DDX19B: variants seen among roughly 807,000 people sequenced by gnomAD.
DDX19B encodes the protein DEAD-box helicase 19B.
A neutral mutation model predicts 58.1 loss-of-function variants in DDX19B; 27 were observed. That is an observed-to-expected ratio of 0.46 (90% confidence interval 0.34 to 0.64). The LOEUF is 0.64. Ranked by LOEUF, DDX19B falls within the 30% of genes least tolerant of loss-of-function variation. The probability of loss-of-function intolerance (pLI) is 0.01; values close to 1 mark genes in which losing one functional copy is unlikely to be tolerated. For synonymous variants in DDX19B, 187 were observed against 214.4 expected (o/e 0.87, Z 1.12); for missense variants, 399 against 596.5 (o/e 0.67, Z 3.45).
intron 5 of DDX19B, among the ~76,000 whole-genome samples, chr16:70,320,873 A>G (rs1269145410): frequency 6.8e-6 from 1 of 147,310 alleles, no homozygotes; most frequent in African/African-American, 2.5e-5. Flanking sequence ...TTATATTTTT[A>G]TCAGAGACAG....
intron 5 of DDX19B, 191 bp downstream of exon 5, chr16:70,317,779 A>C: frequency 2.6e-6 from 1 of 383,410 alleles, no homozygotes; most frequent in Non-Finnish European, 4.8e-6. Context: ...CTCAACAAAA[A>C]AAAAAACGTT....
rs1158942652 is a variant in DDX19B, at chr16:70,317,506, C to G, written c.307C>G (p.Leu103Val). The G allele has an allele frequency of 1.2e-6, 2 of 1,611,950 alleles. No homozygotes were observed. Among genetic ancestry groups the G allele is most frequent in the Admixed American group, 3.4e-5 (2 of 59,566 alleles). The change falls in exon 5 of 12, where the codon CTT becomes GTT. Residue 103 changes from leucine (L) to valine (V), a missense_variant. Physicochemically the swap from Leu to Val is conservative, Grantham distance 32. Coordinates refer to ENST00000288071, the MANE Select transcript of DDX19B (RefSeq NM_007242.7). ...TAACTGTTTTTCTAGGAAACCACAG[C>G]TTCTCCAAGGAGTCTATGCCATGGG... The part of the protein sequence containing the change: ...SFEELRLKPQ[L>V]LQGVYAMGFN...
chr16:70,298,114 A>T (rs1961298058), upstream of DDX19B, among the ~76,000 whole-genome samples: 1 of 152,158 alleles, frequency 6.6e-6, no homozygotes, highest in African/African-American at 2.4e-5. Context: ...TCTCTATCTT[A>T]AAAAAACAAA....
chr16:70,328,653 G>A (rs1237425486), intron 7 of DDX19B, among the ~76,000 whole-genome samples: 10 of 151,766 alleles, frequency 6.6e-5, no homozygotes, highest in Non-Finnish European at 1.2e-4. Context: ...ATGAGCCACC[G>A]TGCCCGGCCC....
rs1226221462 is a variant in DDX19B, at chr16:70,331,889, G to A, written c.1186+5G>A. 14 of 1,612,960 alleles carry A rather than the reference G, an allele frequency of 8.7e-6. No homozygotes were observed. Among genetic ancestry groups the A allele is most frequent in the Non-Finnish European group, 1.1e-5 (13 of 1,179,550 alleles). On this transcript the variant is annotated splice_donor_5th_base_variant and intron_variant, in intron 10 of 11. Coordinates refer to ENST00000288071, the MANE Select transcript of DDX19B (RefSeq NM_007242.7). Reference sequence around the variant, plus strand: ...CCACCAACGTGTGTGCCCGCGGTGAGCAGAGGACGTGTCCCACCTGGTCTG... The same window carrying A: ...CCACCAACGTGTGTGCCCGCGGTGAACAGAGGACGTGTCCCACCTGGTCTG...
intron 7 of DDX19B, among the ~76,000 whole-genome samples, chr16:70,326,969 G>A (rs917565572): frequency 2.0e-5 from 3 of 151,720 alleles, no homozygotes; most frequent in African/African-American, 7.3e-5. Context: ...TGAGTAGCTG[G>A]GACTACAGGC....
upstream of DDX19B, chr16:70,289,813 C>T (rs1235251845): frequency 2.4e-6 from 1 of 413,310 alleles, no homozygotes; most frequent in Non-Finnish European, 4.8e-6. Context: ...TAGGCAAAGT[C>T]CTAACACCAC....
upstream of DDX19B, among the ~76,000 whole-genome samples, chr16:70,291,723 A>C (rs1961065298): frequency 6.6e-6 from 1 of 152,082 alleles, no homozygotes; most frequent in African/African-American, 2.4e-5. Flanking sequence ...AGGCAGGAGA[A>C]TGGCGTGAAC....
rs769121149 is a variant in DDX19B, at chr16:70,312,628, A to T, written c.77A>T (p.Lys26Met). ...ATTTAGTTGAGCAACTTGCATCTTA[A>T]GGAAGAGAAAATCAAACCAGATACC... ...AAESLSNLHL[K>M]EEKIKPDTNG... Residue 26 changes from lysine (K) to methionine (M), a missense_variant, in exon 2 of 12, where the codon AAG (lysine) becomes ATG (methionine). By Grantham distance (95) the Lys-to-Met change is moderately conservative (BLOSUM62 -1). Transcript: ENST00000288071. The T allele has an allele frequency of 5.0e-6, 8 of 1,613,288 alleles. No individual in the cohort carries two copies. The East Asian group carries it at 1.6e-4, about 31-fold the overall frequency.
At chr16:70,319,320 G>C (rs1043274301) in intron 5 of DDX19B, among the ~76,000 whole-genome samples, 10 of 152,110 alleles carry the variant, frequency 6.6e-5, no homozygotes, top group Admixed American at 2.0e-4. Context: ...TGGTTTCCTG[G>C]TGCAGGGCAT....
chr16:70,297,862 A>G (rs1172437799), upstream of DDX19B, among the ~76,000 whole-genome samples: 1 of 152,210 alleles, frequency 6.6e-6, no homozygotes, highest in Non-Finnish European at 1.5e-5. Flanking sequence ...CTGGAACTGC[A>G]GGCATGTGCG....
intron 5 of DDX19B, among the ~76,000 whole-genome samples, chr16:70,318,928 C>A (rs1039912490): frequency 6.6e-6 from 1 of 151,518 alleles, no homozygotes; most frequent in Non-Finnish European, 1.5e-5. Flanking sequence ...CACGGTGAAA[C>A]CCCATCTCTA....
chr16:70,317,750 C>T (rs1222420091), intron 5 of DDX19B, 162 bp downstream of exon 5: 2 of 451,916 alleles, frequency 4.4e-6, no homozygotes, highest in Non-Finnish European at 3.9e-6. Context: ...CCAGCCTGGG[C>T]GATGTAGCAA....
At chr16:70,316,128 C>T (rs1277875400) in intron 4 of DDX19B, 24 bp downstream of exon 4, 3 of 1,613,656 alleles carry the variant, frequency 1.9e-6, no homozygotes, top group African/African-American at 1.3e-5. Context: ...CACCTTCTGA[C>T]TCTTCCCCTT....
chr16:70,299,076 G>A, upstream of DDX19B: 1 of 1,207,528 alleles, frequency 8.3e-7, no homozygotes, highest in Non-Finnish European at 1.1e-6. Flanking sequence ...GCTCTGCCCG[G>A]GGTTGAGGGG....
chr16:70,302,104 A>G (rs1961519132), intron 1 of DDX19B, among the ~76,000 whole-genome samples: 1 of 151,706 alleles, frequency 6.6e-6, no homozygotes, highest in African/African-American at 2.4e-5. Context: ...TATTTTTAGT[A>G]GAGGTGGGGT....
intron 8 of DDX19B, 103 bp downstream of exon 8, chr16:70,329,572 C>T (rs1037680667): frequency 2.0e-5 from 31 of 1,516,386 alleles, no homozygotes; most frequent in South Asian, 3.6e-5. Flanking sequence ...TCTTGGCTCT[C>T]GTACTCTCAG....
upstream of DDX19B, among the ~76,000 whole-genome samples, chr16:70,292,389 C>G (rs1347729348): frequency 6.6e-6 from 1 of 152,088 alleles, no homozygotes. Flanking sequence ...TCAGGTGATT[C>G]GCCTGCCTTG....
intron 9 of DDX19B, among the ~76,000 whole-genome samples, chr16:70,330,550 T>G (rs1963431243): frequency 1.3e-5 from 2 of 151,888 alleles, no homozygotes; most frequent in Admixed American, 6.6e-5. Flanking sequence ...ATTGCTCCAT[T>G]GCACTCCAGC....
Sources: allele counts gnomAD v4.1 joint callset (sites outside exome capture counted in the v4.1 genomes callset), GRCh38; gene constraint gnomAD v4.1.1; transcripts MANE v1.5; gene names NCBI Gene and HGNC (gene_info 2026-07-23, HGNC 2026-07-21).